ACIN1: variants seen among roughly 807,000 people sequenced by gnomAD.
ACIN1 encodes the protein apoptotic chromatin condensation inducer 1.
A neutral mutation model predicts 146.6 loss-of-function variants in ACIN1; 16 were observed. The observed-to-expected ratio is 0.11, with a 90% CI of 0.07 to 0.17. The LOEUF (loss-of-function observed/expected upper bound fraction) is 0.17, where lower values mean the gene tolerates loss of function less well. ACIN1 is among the 10% of genes least tolerant of loss of function. The pLI, the probability that ACIN1 is intolerant of heterozygous loss-of-function variation, is 1.00. For synonymous variants in ACIN1, 569 were observed against 582.7 expected, an observed-to-expected ratio of 0.98 and a Z score of 0.34; for missense variants, 1,357 against 1,609.3, an observed-to-expected ratio of 0.84 and a Z score of 2.68.
chr14:23,080,032 C>G lies in ACIN1; in HGVS notation c.1303G>C (p.Glu435Gln), dbSNP rs1255672192. The change falls in exon 6 of 19, where the codon GAG becomes CAG. Residue 435 changes from glutamate (E) to glutamine (Q), a missense_variant. Transcript: ENST00000605057. ...PSDTKAESPA[E>Q]KVPEESVLPL... The stretch of plus-strand genomic sequence containing the variant: ...AGGACACTCTCCTCTGGCACTTTCT[C>G]TGCTGGAGATTCTGCTTTGGTGTCT... 6.2e-7 allele frequency: 1 copy of G among 1,614,048 alleles called. No homozygotes were observed. The highest frequency in any genetic ancestry group is 1.3e-5 in the African/African-American group (1 of 74,916).
At chr14:23,069,826 C>T (rs2047575339) in intron 8 of ACIN1, among the ~76,000 whole-genome samples, 1 of 152,142 alleles carries the variant, frequency 6.6e-6, no homozygotes, top group Non-Finnish European at 1.5e-5. Flanking sequence ...GCGTGGATCA[C>T]AGCAACCACA....
In ACIN1 at chr14:23,064,229, G is replaced by T. The variant is rs780968847; in HGVS notation, c.2471C>A (p.Ala824Glu). Residue 824 changes from alanine (A) to glutamate (E), a missense_variant, in exon 12 of 19, where the codon GCG becomes GAG. Physicochemically the swap from Ala to Glu is moderately radical, Grantham distance 107. This residue lies in a region of ACIN1 where 509 missense variants were observed against 719.6 expected (regional missense o/e 0.71). Transcript: ENST00000605057. ...KSLIPDIKPL[A>E]GQEAVVDLHA... ...AAGATCCACAACAGCCTCCTGCCCC[G>T]CCAGGGGTTTGATGTCGGGGATGAG... 1.2e-6 allele frequency: 2 copies of T among 1,614,022 alleles called. No individual in the cohort carries two copies. The highest frequency in any genetic ancestry group is 1.7e-6 in the Non-Finnish European group (2 of 1,180,028).
intron 7 of ACIN1, among the ~76,000 whole-genome samples, 185 bp from the exon 8 acceptor site, chr14:23,078,451 A>G (rs1171073926): frequency 6.6e-6 from 1 of 152,230 alleles, no homozygotes; most frequent in Non-Finnish European, 1.5e-5. Context: ...TAGGTACTTC[A>G]AGAATATTTA....
chr14:23,084,206 C>CAA (rs1348172946), intron 4 of ACIN1, among the ~76,000 whole-genome samples: 1 of 152,226 alleles, frequency 6.6e-6, no homozygotes, highest in Non-Finnish European at 1.5e-5. Context: ...CTTGGCCTCC[C>CAA]AAAGTGCTGG....
chr14:23,071,538 G>T, intron 8 of ACIN1: 1 of 1,551,216 alleles, frequency 6.4e-7, no homozygotes, highest in South Asian at 1.2e-5. Flanking sequence ...ATCAGCCGGA[G>T]ACATGCAGGG....
rs1458489234 is a variant in ACIN1, at chr14:23,058,673, A to T, written c.*475T>A. The T allele has an allele frequency of 6.0e-6, 1 of 165,602 alleles. No individual in the cohort carries two copies. Among genetic ancestry groups the T allele is most frequent in the Non-Finnish European group, 1.3e-5 (1 of 76,904 alleles). The allele number at this position is 165,602 out of a possible 1,614,324, so 10.3% of individuals were successfully genotyped here. A position where few individuals can be genotyped will look rare whatever the true frequency, so the allele number is the denominator to read the frequency against. ...AAGGAAAAGGTGGATATAAAGTGGAACCTGTGGGAAAGAGGCAAGGGCTGC... is the reference window on the plus strand; with the variant it reads ...AAGGAAAAGGTGGATATAAAGTGGATCCTGTGGGAAAGAGGCAAGGGCTGC... On this transcript the variant is annotated 3_prime_UTR_variant, in exon 19 of 19. Transcript: ENST00000605057.
In ACIN1 at chr14:23,079,542, C is replaced by T; in HGVS notation, c.1788+5G>A. 1 of 1,612,192 alleles carries T rather than the reference C, an allele frequency of 6.2e-7. No homozygotes were observed. The highest frequency in any genetic ancestry group is 8.5e-7 in the Non-Finnish European group (1 of 1,178,918). ...TTAATACACCCGGGATTCTCTCATACTCACTTTTCTGCTGTTGCTTGATGC... is the reference window on the plus strand; with the variant it reads ...TTAATACACCCGGGATTCTCTCATATTCACTTTTCTGCTGTTGCTTGATGC... On this transcript the variant is annotated splice_donor_5th_base_variant and intron_variant, in intron 6 of 18. Coordinates refer to ENST00000605057, the MANE Select transcript of ACIN1 (RefSeq NM_001386863.1).
chr14:23,080,687 C>T lies in ACIN1; in HGVS notation c.648G>A (p.Glu216=), dbSNP rs1300001241. The T allele has an allele frequency of 1.9e-6, 3 of 1,599,746 alleles. No individual in the cohort carries two copies. Among genetic ancestry groups the T allele is most frequent in the Non-Finnish European group, 1.7e-6 (2 of 1,169,598 alleles). The change falls in exon 6 of 19, where the codon GAG becomes GAA. Residue 216 remains glutamate, a synonymous_variant. Transcript: ENST00000605057. ...DRNLKTEEEE[E]EEEEEEEDDE... ...CATCTTCTTCCTCCTCCTCCTCCTC[C>T]TCTTCTTCCTCCTCTGTTTTCAAAT...
Position 23,071,599 on chromosome 14 carries a change from C to G in ACIN1, c.2124-1982G>C, listed in dbSNP as rs996476741. ...GCCTGTGTGTGCGGATGGGGGAGGG[C>G]CTTGCTGCAGCAGGGGAGGGGAAAG... is the stretch of plus-strand genomic sequence containing the variant. On this transcript the variant is annotated intron_variant, in intron 8 of 18. Transcript: ENST00000605057. 8 of 1,524,394 alleles carry G rather than the reference C, an allele frequency of 5.2e-6. No homozygotes were observed. In the African/African-American group the frequency reaches 9.7e-5, roughly 18 times the overall value. The allele number at this position is 1,524,394 out of a possible 1,614,324, so 94.4% of individuals were successfully genotyped here.
chr14:23,083,047 A>ATTTTTT (rs774833666), intron 4 of ACIN1, among the ~76,000 whole-genome samples: 1 of 140,902 alleles, frequency 7.1e-6, no homozygotes, highest in African/African-American at 2.7e-5. Context: ...ACTAGGTGAG[A>ATTTTTT]TTTTTTTTTT....
intron 8 of ACIN1, 25 bp from the exon 9 acceptor site, chr14:23,069,642 G>C: frequency 7.7e-7 from 1 of 1,301,656 alleles, no homozygotes; most frequent in South Asian, 1.2e-5. Flanking sequence ...GAGTGGTGGT[G>C]GGGGGGCGGG....
chr14:23,085,033 T>C (rs768272970), intron 4 of ACIN1, among the ~76,000 whole-genome samples: 1 of 148,666 alleles, frequency 6.7e-6, no homozygotes, highest in Non-Finnish European at 1.5e-5. Flanking sequence ...AAGTGCAAGG[T>C]TGGTCAGAGA....
chr14:23,073,368 A>T (rs540194202), intron 8 of ACIN1, among the ~76,000 whole-genome samples: 174 of 152,290 alleles, frequency 1.1e-3, no homozygotes, highest in South Asian at 3.1e-3. Context: ...TGCTAACCTA[A>T]AAGTTTTCTT....
At chr14:23,070,468 C>G (rs553248327) in intron 8 of ACIN1, among the ~76,000 whole-genome samples, 1 of 152,056 alleles carries the variant, frequency 6.6e-6, no homozygotes, top group Non-Finnish European at 1.5e-5. Flanking sequence ...CACCCTCCCC[C>G]ACACAGGCAG....
intron 4 of ACIN1, among the ~76,000 whole-genome samples, chr14:23,083,252 T>C (rs997493567): frequency 1.3e-5 from 2 of 151,950 alleles, no homozygotes; most frequent in African/African-American, 2.4e-5. Flanking sequence ...TCACCCAGGC[T>C]GGAGTGCAGT....
intron 18 of ACIN1, among the ~76,000 whole-genome samples, 154 bp from the exon 19 acceptor site, chr14:23,059,628 C>T (rs958726622): frequency 3.3e-5 from 5 of 150,458 alleles, no homozygotes; most frequent in African/African-American, 7.4e-5. Flanking sequence ...TTTCTTAGAG[C>T]ACCTCTCTCC....
chr14:23,084,797 AATAT>A (rs980123662), intron 4 of ACIN1, among the ~76,000 whole-genome samples: 2 of 152,192 alleles, frequency 1.3e-5, no homozygotes, highest in Admixed American at 1.3e-4. Flanking sequence ...ATATGATTAG[AATAT>A]ATAGTGAAAG....
chr14:23,069,652 G>GGGGGGGGGGGGGCGCC, intron 8 of ACIN1, 35 bp from the exon 9 acceptor site: 1 of 577,972 alleles, frequency 1.7e-6, no homozygotes, highest in Non-Finnish European at 3.3e-6. Context: ...GGGGGGGCGG[G>GGGGGGGGGGGGGCGCC]CAGAAAAGAA....
chr14:23,089,440 T>A (rs886808659), intron 4 of ACIN1, among the ~76,000 whole-genome samples: 1 of 152,174 alleles, frequency 6.6e-6, no homozygotes, highest in Non-Finnish European at 1.5e-5. Flanking sequence ...CTCCCTACTA[T>A]AATATGCTCA....
Sources: allele counts gnomAD v4.1 joint callset (sites outside exome capture counted in the v4.1 genomes callset), GRCh38; gene constraint gnomAD v4.1.1; regional missense constraint gnomAD v4.1.1; transcripts MANE v1.5; gene names NCBI Gene and HGNC (gene_info 2026-07-23, HGNC 2026-07-21).